DGKB: variants seen among roughly 807,000 people sequenced by gnomAD.
The protein encoded by DGKB is diacylglycerol kinase beta.
Under a neutral mutation model 114.3 loss-of-function variants are expected in DGKB, and 67 were observed. The ratio of observed to expected loss-of-function variants is 0.59; its 90% CI spans 0.48 to 0.72. The LOEUF (loss-of-function observed/expected upper bound fraction) is 0.72, where lower values mean the gene tolerates loss of function less well. Ranked by LOEUF, DGKB falls within the 30% of genes least tolerant of loss-of-function variation. DGKB has a pLI of 0.00. For missense variants in DGKB, 907 were observed against 975.2 expected (o/e 0.93, Z 0.93); for synonymous variants, 398 against 323.1 (o/e 1.23, Z -2.49).
intron 23 of DGKB, among the ~76,000 whole-genome samples, chr7:14,221,854 T>C (rs763935390): frequency 6.6e-6 from 1 of 151,392 alleles, no homozygotes; most frequent in Non-Finnish European, 1.5e-5. Context: ...TCAATTCAGA[T>C]TGAGTCCATT....
intron 21 of DGKB, among the ~76,000 whole-genome samples, chr7:14,462,179 C>T (rs1009928292): frequency 2.6e-5 from 4 of 152,144 alleles, no homozygotes; most frequent in African/African-American, 2.4e-5. Flanking sequence ...GGAACTATTC[C>T]CTTTGAAAAC....
chr7:14,732,283 C>T (rs1831038828), intron 5 of DGKB, among the ~76,000 whole-genome samples: 1 of 151,664 alleles, frequency 6.6e-6, no homozygotes, highest in Non-Finnish European at 1.5e-5. Context: ...CTACTCTATT[C>T]CTGCTGGAAC....
chr7:14,931,132 G>C (rs1451781927), intron 1 of DGKB, among the ~76,000 whole-genome samples: 2 of 138,288 alleles, frequency 1.4e-5, no homozygotes, highest in African/African-American at 2.8e-5. Flanking sequence ...TTTTTTTTGA[G>C]ATGGAGTCTC....
intron 1 of DGKB, among the ~76,000 whole-genome samples, chr7:14,853,335 C>T (rs934108476): frequency 6.6e-6 from 1 of 151,902 alleles, no homozygotes; most frequent in African/African-American, 2.4e-5. Flanking sequence ...TTGCCTTATA[C>T]CTTTCATGTA....
intron 17 of DGKB, among the ~76,000 whole-genome samples, chr7:14,602,808 GCA>G (rs1180132492): frequency 6.6e-6 from 1 of 152,238 alleles, no homozygotes; most frequent in East Asian, 1.9e-4. Context: ...ACAAGTTAAA[GCA>G]CACACACAAA....
intron 9 of DGKB, among the ~76,000 whole-genome samples, chr7:14,689,250 G>C (rs1049634179): frequency 8.0e-6 from 1 of 125,726 alleles, no homozygotes; most frequent in African/African-American, 3.0e-5. Context: ...CTGTCGCCCA[G>C]GCTGGAGGGC....
chr7:14,513,564 GAATGATTTTATTAAAACAA>G (rs1414176036), intron 20 of DGKB, among the ~76,000 whole-genome samples: 1 of 151,928 alleles, frequency 6.6e-6, no homozygotes, highest in Admixed American at 6.6e-5. Flanking sequence ...TATGTCAACA[GAATGATTTTATTAAAACAA>G]AATTTTTTAA....
At chr7:14,417,144 A>G (rs1056331444) in intron 21 of DGKB, among the ~76,000 whole-genome samples, 7 of 152,052 alleles carry the variant, frequency 4.6e-5, no homozygotes, top group African/African-American at 1.7e-4. Context: ...AGTTCTCTGC[A>G]CCCTGCTGGT....
At chr7:14,259,397 C>G (rs902420052) in intron 23 of DGKB, among the ~76,000 whole-genome samples, 2 of 98,488 alleles carry the variant, frequency 2.0e-5, no homozygotes, top group Admixed American at 2.0e-4. Flanking sequence ...CTCTCTCTCT[C>G]TCTCTCTCTC....
At chr7:14,504,859 G>T (rs1009221827) in intron 20 of DGKB, among the ~76,000 whole-genome samples, 1 of 152,088 alleles carries the variant, frequency 6.6e-6, no homozygotes, top group African/African-American at 2.4e-5. Flanking sequence ...AATACTAGAT[G>T]ATTTCTTTTA....
At chr7:14,785,664 A>C (rs1839783356) in intron 2 of DGKB, among the ~76,000 whole-genome samples, 1 of 152,164 alleles carries the variant, frequency 6.6e-6, no homozygotes, top group South Asian at 2.1e-4. Flanking sequence ...TGTCACAGAG[A>C]ACTGTAAGCC....
At chr7:14,889,651 GA>G (rs572646967) in intron 1 of DGKB, among the ~76,000 whole-genome samples, 1 of 148,488 alleles carries the variant, frequency 6.7e-6, no homozygotes, top group Non-Finnish European at 1.5e-5. Flanking sequence ...CATTGTAAAA[GA>G]AAAAAAAAGT....
chr7:14,339,199 G>T (rs1225840811), intron 22 of DGKB, among the ~76,000 whole-genome samples: 2 of 139,372 alleles, frequency 1.4e-5, no homozygotes, highest in African/African-American at 5.1e-5. Context: ...TAGCTTAAAA[G>T]ACTTTTGCTA....
chr7:14,649,828 A>C (rs985609651), intron 13 of DGKB, among the ~76,000 whole-genome samples: 6 of 141,780 alleles, frequency 4.2e-5, no homozygotes, highest in Non-Finnish European at 6.1e-5. Flanking sequence ...AAAACAAAAA[A>C]AGGCAGGGGT....
At chr7:14,763,590 C>A (rs997910716) in intron 2 of DGKB, among the ~76,000 whole-genome samples, 5 of 151,976 alleles carry the variant, frequency 3.3e-5, no homozygotes, top group Non-Finnish European at 7.4e-5. Context: ...AGAACAAATA[C>A]AAGTTTATAA....
chr7:14,209,260 A>G (rs1161749062), intron 23 of DGKB: 2 of 290,418 alleles, frequency 6.9e-6, no homozygotes, highest in African/African-American at 2.3e-5. Flanking sequence ...ATTTGCTTCA[A>G]ATGAATAATT....
intron 21 of DGKB, among the ~76,000 whole-genome samples, chr7:14,365,114 C>A (rs1291813266): frequency 6.6e-6 from 1 of 150,990 alleles, no homozygotes; most frequent in Non-Finnish European, 1.5e-5. Context: ...CTCTTCATTC[C>A]AGTTTAATTT....
At chr7:14,915,310 C>G (rs1365123264) in intron 1 of DGKB, among the ~76,000 whole-genome samples, 1 of 152,074 alleles carries the variant, frequency 6.6e-6, no homozygotes, top group Non-Finnish European at 1.5e-5. Flanking sequence ...CCCAGGAATT[C>G]GAGGCTTCAG....
At chr7:14,594,749 G>T (rs796254164) in intron 17 of DGKB, among the ~76,000 whole-genome samples, 13 of 152,176 alleles carry the variant, frequency 8.5e-5, no homozygotes, top group African/African-American at 2.9e-4. Context: ...CATGGAGTTA[G>T]CTTAGAGTGT....
Sources: gnomAD v4.1 joint callset for allele counts (sites outside exome capture counted in the v4.1 genomes callset) on GRCh38, gnomAD v4.1.1 for gene constraint, MANE v1.5 for transcripts, NCBI Gene and HGNC (gene_info 2026-07-23, HGNC 2026-07-21) for gene names.